Variants in SAMD3 observed in about 807,000 individuals in gnomAD.
SAMD3 encodes sterile alpha motif domain containing 3.
SAMD3 carries 63 observed loss-of-function variants against 58.5 expected under a neutral mutation model. The ratio of observed to expected loss-of-function variants is 1.08; its 90% CI spans 0.88 to 1.33. The LOEUF is 1.33. SAMD3 is among the 40% of genes most tolerant of loss of function. The pLI is 0.00. For missense variants in SAMD3, 604 were observed against 608.4 expected (o/e 0.99, Z 0.08); for synonymous variants, 220 against 210.3 (o/e 1.05, Z -0.40).
rs375483236 is a variant in SAMD3, at chr6:130,215,192, C to T, written c.79+3G>A. 2.3e-5 allele frequency: 35 copies of T among 1,548,050 alleles called. No individual in the cohort carries two copies. Among genetic ancestry groups the T allele is most frequent in the Non-Finnish European group, 2.7e-5 (30 of 1,122,196 alleles). The stretch of plus-strand genomic sequence containing the variant: ...AAATTTTTGGAAAGCATAAACAACT[C>T]ACCTTGAAATCTATGAACTAGCTCT... On this transcript the variant is annotated splice_donor_region_variant and intron_variant, in intron 3 of 11. Transcript: ENST00000439090.
chr6:130,350,721 C>T (rs1052470354), intron 1 of SAMD3, among the ~76,000 whole-genome samples: 1 of 152,184 alleles, frequency 6.6e-6, no homozygotes, highest in Non-Finnish European at 1.5e-5. Context: ...GGAAAAACTA[C>T]TTTAAAGTTC....
At chr6:130,268,070 C>A (rs1354394335) in intron 2 of SAMD3, among the ~76,000 whole-genome samples, 1 of 152,146 alleles carries the variant, frequency 6.6e-6, no homozygotes, top group Non-Finnish European at 1.5e-5. Flanking sequence ...GCATAACTCA[C>A]GTTTGTGGTG....
At chr6:130,210,135 G>T (rs1356992770) in intron 4 of SAMD3, among the ~76,000 whole-genome samples, 1 of 152,172 alleles carries the variant, frequency 6.6e-6, no homozygotes, top group Non-Finnish European at 1.5e-5. Flanking sequence ...GCCAGGATTT[G>T]AACTCAGTTT....
chr6:130,339,280 C>T (rs1777197898), intron 1 of SAMD3, among the ~76,000 whole-genome samples: 3 of 152,120 alleles, frequency 2.0e-5, no homozygotes, highest in Non-Finnish European at 4.4e-5. Context: ...ATCCCCTGAC[C>T]TCGTGATCCA....
rs1776463744 is a variant in SAMD3 at position 130,318,409 on chromosome 6, C to T, written c.-303-5316G>A. ...AGAAGCTAAATTTTACAATGTTTGA[C>T]ATCTAATAAAAAAATTTTTTTTTTA... On this transcript the variant is annotated intron_variant, in intron 1 of 13. Transcript: ENST00000368134. Among the ~76,000 whole-genome samples the T allele has an allele frequency of 4.6e-5, 7 of 152,180 alleles. No homozygotes were observed. The South Asian group carries it at 1.5e-3, about 32-fold the overall frequency.
chr6:130,210,415 A>G (rs1002635748), intron 4 of SAMD3, among the ~76,000 whole-genome samples: 1 of 151,832 alleles, frequency 6.6e-6, no homozygotes, highest in African/African-American at 2.4e-5. Flanking sequence ...CCTGGCCAAC[A>G]TGACAAAACC....
chr6:130,223,795 AG>A (rs939594731), upstream of SAMD3, among the ~76,000 whole-genome samples: 8 of 152,162 alleles, frequency 5.3e-5, no homozygotes, highest in African/African-American at 1.9e-4. Flanking sequence ...GGCAGCACCT[AG>A]GGTTGAGTGT....
intron 5 of SAMD3, among the ~76,000 whole-genome samples, chr6:130,206,458 C>T (rs1370779327): frequency 6.6e-6 from 1 of 152,190 alleles, no homozygotes; most frequent in Non-Finnish European, 1.5e-5. Context: ...CACTCCCTGG[C>T]TTTCCAGCAC....
intron 2 of SAMD3, among the ~76,000 whole-genome samples, chr6:130,267,839 A>G (rs1334387472): frequency 1.3e-5 from 2 of 152,166 alleles, no homozygotes; most frequent in Non-Finnish European, 2.9e-5. Context: ...ACCCTCTCAC[A>G]TGGAGCCCCA....
chr6:130,244,592 T>C (rs1773472725), intron 2 of SAMD3, among the ~76,000 whole-genome samples: 1 of 151,726 alleles, frequency 6.6e-6, no homozygotes, highest in South Asian at 2.1e-4. Context: ...ATACAAAAAT[T>C]AGCCGGGTGT....
chr6:130,231,643 C>T (rs997082000), intron 2 of SAMD3, among the ~76,000 whole-genome samples: 1 of 152,046 alleles, frequency 6.6e-6, no homozygotes, highest in African/African-American at 2.4e-5. Flanking sequence ...TTAGACATAC[C>T]TTTTAAATGT....
At chr6:130,311,984 C>A (rs7759980) in intron 2 of SAMD3, among the ~76,000 whole-genome samples, 1 of 151,938 alleles carries the variant, frequency 6.6e-6, no homozygotes, top group Non-Finnish European at 1.5e-5. Flanking sequence ...GCTTCTCCCC[C>A]GCCCCCACTT....
chr6:130,219,168 G>A (rs1796119556), intron 1 of SAMD3, among the ~76,000 whole-genome samples: 1 of 152,052 alleles, frequency 6.6e-6, no homozygotes, highest in Non-Finnish European at 1.5e-5. Context: ...AAACATTTAA[G>A]GAACAAAACT....
At chr6:130,239,848 C>A (rs941026924) in intron 2 of SAMD3, among the ~76,000 whole-genome samples, 1 of 152,194 alleles carries the variant, frequency 6.6e-6, no homozygotes, top group Non-Finnish European at 1.5e-5. Context: ...GCCAAGCCAC[C>A]TGACACACTC....
chr6:130,251,172 T>C (rs1773725203), intron 2 of SAMD3, among the ~76,000 whole-genome samples: 1 of 152,198 alleles, frequency 6.6e-6, no homozygotes, highest in Non-Finnish European at 1.5e-5. Context: ...TGAGTTGCAT[T>C]TCCATTATGG....
intron 2 of SAMD3, among the ~76,000 whole-genome samples, chr6:130,260,647 C>T (rs899324188): frequency 7.9e-5 from 12 of 152,276 alleles, no homozygotes; most frequent in South Asian, 4.1e-4. Context: ...AGGTGATTGG[C>T]GAATGGTCGA....
At chr6:130,268,949 GT>G (rs1176124036) in intron 2 of SAMD3, among the ~76,000 whole-genome samples, 46 of 152,216 alleles carry the variant, frequency 3.0e-4, no homozygotes, top group African/African-American at 1.1e-3. Context: ...CTCAGCAAAA[GT>G]TTTAAATTTA....
At chr6:130,250,378 A>G (rs1773699509) in intron 2 of SAMD3, among the ~76,000 whole-genome samples, 1 of 152,166 alleles carries the variant, frequency 6.6e-6, no homozygotes, top group Non-Finnish European at 1.5e-5. Context: ...AAAGCAGTAG[A>G]AGCAGTTATG....
intron 2 of SAMD3, among the ~76,000 whole-genome samples, chr6:130,231,267 A>C (rs772896632): frequency 1.3e-5 from 2 of 152,084 alleles, no homozygotes; most frequent in Non-Finnish European, 2.9e-5. Flanking sequence ...TCAACTTTCT[A>C]AAATGTAATT....
Sources: allele counts gnomAD v4.1 joint callset (sites outside exome capture counted in the v4.1 genomes callset), GRCh38; gene constraint gnomAD v4.1.1; transcripts MANE v1.5; gene names NCBI Gene and HGNC (gene_info 2026-07-23, HGNC 2026-07-21).